The following POLA1 variants were observed in gnomAD, a reference collection of about 807,000 sequenced individuals.
POLA1 encodes the protein DNA polymerase alpha 1, catalytic subunit, also known as DNA polymerase alpha catalytic subunit.
A neutral mutation model predicts 124.0 loss-of-function variants in POLA1; 15 were observed. The ratio of observed to expected loss-of-function variants is 0.12; its 90% confidence interval spans 0.08 to 0.19. The LOEUF (loss-of-function observed/expected upper bound fraction) is 0.19, where lower values mean the gene tolerates loss of function less well. Among genes scored for constraint, POLA1 ranks in the 10% least tolerant of loss-of-function variants. The probability of loss-of-function intolerance (pLI) is 1.00; values close to 1 mark genes in which losing one functional copy is unlikely to be tolerated. For missense variants in POLA1, 886 were observed against 1,103.4 expected, an observed-to-expected ratio of 0.80 and a Z score of 2.79; for synonymous variants, 408 against 389.4, an observed-to-expected ratio of 1.05 and a Z score of -0.56.
At chrX:24,736,003 G>A (rs1447084863) in intron 18 of POLA1, among the ~76,000 whole-genome samples, 2 of 110,527 alleles carry the variant, frequency 1.8e-5, no homozygotes, top group African/African-American at 3.3e-5. Context: ...GCTATTTTTT[G>A]CCCCAATTCC....
Position 24,951,541 on chromosome X carries a change from A to G in POLA1, c.4261+20992A>G, listed in dbSNP as rs967045368. Among the ~76,000 whole-genome samples, 13 of 109,471 alleles carry G rather than the reference A, an allele frequency of 1.2e-4. No homozygotes were observed. The Admixed American group carries it at 1.3e-3, about 11-fold the overall frequency. On this transcript the variant is annotated intron_variant, in intron 36 of 36. Transcript: ENST00000379068. Reference sequence around the variant, plus strand: ...TAAATACTGGTGTGTTTACCTGAATATTTCCCCTTTTCATCTTCCCGCCCC... The same window carrying G: ...TAAATACTGGTGTGTTTACCTGAATGTTTCCCCTTTTCATCTTCCCGCCCC...
chrX:24,703,407 C>T, intron 3 of POLA1, 60 bp downstream of exon 3: 1 of 778,086 alleles, frequency 1.3e-6, no homozygotes, highest in South Asian at 2.4e-5. Context: ...TTAGTTGCTT[C>T]TTGTAGATTC....
chrX:24,930,895 C>A (rs2047766848), intron 36 of POLA1, among the ~76,000 whole-genome samples: 1 of 112,429 alleles, frequency 8.9e-6, no homozygotes. Context: ...ATTGGGCCTA[C>A]AAAAACCAGA....
intron 36 of POLA1, among the ~76,000 whole-genome samples, chrX:24,960,356 A>T (rs992703643): frequency 1.8e-5 from 2 of 111,929 alleles, no homozygotes; most frequent in South Asian, 3.7e-4. Flanking sequence ...TTATCCACTG[A>T]GCTGCGCACC....
intron 35 of POLA1, among the ~76,000 whole-genome samples, chrX:24,919,731 C>G (rs1352712685): frequency 9.4e-6 from 1 of 106,916 alleles, no homozygotes; most frequent in Admixed American, 1.0e-4. Flanking sequence ...CTGCACCTAT[C>G]AACCCATCAC....
chrX:24,694,144 C>T (rs1602229891), intron 1 of POLA1, 140 bp downstream of exon 1: 3 of 610,576 alleles, frequency 4.9e-6, no homozygotes, highest in South Asian at 6.2e-5. Flanking sequence ...CTTCTGGCGT[C>T]GGACCGGGCT....
intron 26 of POLA1, among the ~76,000 whole-genome samples, chrX:24,780,927 A>G (rs1263837923): frequency 8.9e-6 from 1 of 111,788 alleles, no homozygotes; most frequent in African/African-American, 3.2e-5. Flanking sequence ...CACAGAAACT[A>G]TCTGGGCCTG....
chrX:24,973,096 C>T (rs1275599541), intron 36 of POLA1, among the ~76,000 whole-genome samples: 1 of 112,073 alleles, frequency 8.9e-6, no homozygotes, highest in East Asian at 2.8e-4. Flanking sequence ...TGGCTCATGC[C>T]TATAATCACA....
intron 26 of POLA1, chrX:24,788,244 C>A: frequency 1.7e-6 from 1 of 578,846 alleles, no homozygotes. Context: ...TATGACAAGC[C>A]CACAGCTAAC....
intron 34 of POLA1, among the ~76,000 whole-genome samples, chrX:24,862,697 A>G (rs770275718): frequency 2.7e-5 from 3 of 112,156 alleles, no homozygotes; most frequent in Non-Finnish European, 5.6e-5. Context: ...ATTGCTTTAC[A>G]TCAGTCACAA....
chrX:24,882,363 G>T (rs1376024521), intron 34 of POLA1, among the ~76,000 whole-genome samples: 1 of 111,437 alleles, frequency 9.0e-6, no homozygotes, highest in East Asian at 2.8e-4. Flanking sequence ...GGGCACACGT[G>T]CAGGTTTGTT....
chrX:24,742,161 C>G (rs199970290), intron 22 of POLA1, 40 bp downstream of exon 22: 125 of 518,199 alleles, frequency 2.4e-4, no homozygotes, highest in Admixed American at 8.6e-4. Context: ...TTCTCTTAAC[C>G]CCCCCCCCCC....
chrX:24,729,980 A>G (rs771802399), intron 15 of POLA1, among the ~76,000 whole-genome samples: 91 of 109,361 alleles, frequency 8.3e-4, no homozygotes, highest in African/African-American at 2.8e-3. Context: ...AATTTTTAGC[A>G]GAGGCGGGGT....
chrX:24,704,886 T>C (rs1928694004), intron 4 of POLA1, among the ~76,000 whole-genome samples: 2 of 112,337 alleles, frequency 1.8e-5, no homozygotes, highest in Non-Finnish European at 3.8e-5. Context: ...GCTTGCTTTG[T>C]CTAATTGAAA....
chrX:24,941,389 A>G (rs1234661686), intron 36 of POLA1, among the ~76,000 whole-genome samples: 1 of 111,982 alleles, frequency 8.9e-6, no homozygotes, highest in Non-Finnish European at 1.9e-5. Context: ...CTTGCTTTGC[A>G]TGTGAATTGG....
chrX:24,824,071 A>G (rs748616694), intron 31 of POLA1, among the ~76,000 whole-genome samples: 131 of 111,824 alleles, frequency 1.2e-3, no homozygotes, highest in African/African-American at 3.9e-3. Flanking sequence ...ATATTTTCCC[A>G]TTAGTTTCCT....
At chrX:24,921,416 G>A (rs1175691397) in intron 35 of POLA1, among the ~76,000 whole-genome samples, 1 of 112,088 alleles carries the variant, frequency 8.9e-6, no homozygotes. Flanking sequence ...GAAGAGAGGG[G>A]TATATAAATG....
At chrX:24,913,856 C>T (rs1452213387) in intron 35 of POLA1, among the ~76,000 whole-genome samples, 1 of 109,336 alleles carries the variant, frequency 9.1e-6, no homozygotes, top group East Asian at 2.9e-4. Flanking sequence ...AGCAAAACCC[C>T]ATCTCTATTA....
intron 36 of POLA1, among the ~76,000 whole-genome samples, chrX:24,967,089 T>A (rs186250207): frequency 3.6e-3 from 405 of 111,519 alleles, no homozygotes; most frequent in African/African-American, 0.012. Context: ...TTTTTGTTTT[T>A]GTGTCCATCG....
Sources: allele counts gnomAD v4.1 joint callset (sites outside exome capture counted in the v4.1 genomes callset), GRCh38; gene constraint gnomAD v4.1.1; transcripts MANE v1.5; gene names NCBI Gene and HGNC (gene_info 2026-07-23, HGNC 2026-07-21).